PLCZ1: variants seen among roughly 807,000 people sequenced by gnomAD.
The protein encoded by PLCZ1 is phospholipase C zeta 1.
A neutral mutation model predicts 76.8 loss-of-function variants in PLCZ1; 64 were observed. The ratio of observed to expected loss-of-function variants is 0.83; its 90% CI spans 0.68 to 1.03. The LOEUF is 1.03. Ranked by LOEUF, PLCZ1 falls within the 50% of genes least tolerant of loss-of-function variation. PLCZ1 has a pLI of 0.00. For synonymous variants in PLCZ1, 248 were observed against 230.8 expected, an observed-to-expected ratio of 1.07 and a Z score of -0.68; for missense variants, 751 against 713.7, an observed-to-expected ratio of 1.05 and a Z score of -0.60.
At chr12:18,733,483 G>C (rs1959162433) in intron 3 of PLCZ1, among the ~76,000 whole-genome samples, 1 of 152,074 alleles carries the variant, frequency 6.6e-6, no homozygotes, top group South Asian at 2.1e-4. Context: ...TTTTAGACAA[G>C]TTTTTGTTAC....
the PLCZ1 span, among the ~76,000 whole-genome samples, chr12:18,670,625 C>T: frequency 5.9e-5 from 9 of 152,176 alleles, no homozygotes; most frequent in Non-Finnish European, 8.8e-5. Context: ...TAGGATAATG[C>T]TTGGAATATG....
chr12:18,671,593 G>A, the PLCZ1 span, among the ~76,000 whole-genome samples: 1 of 152,076 alleles, frequency 6.6e-6, no homozygotes, highest in Non-Finnish European at 1.5e-5. Context: ...AGGTGTACTA[G>A]GCACATCACA....
At chr12:18,673,394 TATC>T in the PLCZ1 span, among the ~76,000 whole-genome samples, 2 of 151,910 alleles carry the variant, frequency 1.3e-5, no homozygotes, top group African/African-American at 4.8e-5. Flanking sequence ...TATATGAAAA[TATC>T]ATAAACAGAG....
At chr12:18,713,082 TA>T in intron 5 of PLCZ1, 96 bp from the exon 6 acceptor site, 1 of 1,440,486 alleles carries the variant, frequency 6.9e-7, no homozygotes. Flanking sequence ...GATTTTATAA[TA>T]AATGCATAAA....
intron 4 of PLCZ1, among the ~76,000 whole-genome samples, chr12:18,719,956 G>A (rs1428943629): frequency 6.6e-6 from 1 of 152,036 alleles, no homozygotes; most frequent in Non-Finnish European, 1.5e-5. Flanking sequence ...TGGCACACAG[G>A]TTGAGGAACA....
At chr12:18,726,697 A>G (rs1275501828) in intron 3 of PLCZ1, among the ~76,000 whole-genome samples, 4 of 152,210 alleles carry the variant, frequency 2.6e-5, no homozygotes, top group Admixed American at 1.3e-4. Context: ...GTTATTTAAA[A>G]TAATGTGATG....
At chr12:18,673,008 G>T in the PLCZ1 span, among the ~76,000 whole-genome samples, 1 of 152,146 alleles carries the variant, frequency 6.6e-6, no homozygotes. Context: ...TGACACAAAA[G>T]ATGGCATACA....
the PLCZ1 span, among the ~76,000 whole-genome samples, chr12:18,650,353 G>GCA: frequency 1.4e-3 from 153 of 108,878 alleles, no homozygotes; most frequent in Non-Finnish European, 2.4e-3. Flanking sequence ...ATATATGTGT[G>GCA]TGTGTGTGTG....
intron 2 of PLCZ1, chr12:18,736,777 T>A: frequency 1.2e-6 from 1 of 826,098 alleles, no homozygotes; most frequent in Non-Finnish European, 1.8e-6. Flanking sequence ...ATTAGATGAA[T>A]TCCTAATATG....
At chr12:18,650,062 C>G in the PLCZ1 span, among the ~76,000 whole-genome samples, 3 of 151,970 alleles carry the variant, frequency 2.0e-5, no homozygotes, top group African/African-American at 7.3e-5. Context: ...ATAACTCCAG[C>G]CCAGAATACC....
chr12:18,700,031 T>A (rs923952375), intron 9 of PLCZ1, 81 bp from the exon 10 acceptor site: 1 of 1,115,090 alleles, frequency 9.0e-7, no homozygotes, highest in African/African-American at 1.6e-5. Context: ...AAAATACACT[T>A]TCAAACAAAT....
chr12:18,735,580 A>G (rs1296751981), intron 3 of PLCZ1, among the ~76,000 whole-genome samples: 1 of 151,908 alleles, frequency 6.6e-6, no homozygotes, highest in African/African-American at 2.4e-5. Flanking sequence ...TAACCTTTCT[A>G]GTTCTTCTTG....
chr12:18,650,072 C>T, the PLCZ1 span, among the ~76,000 whole-genome samples: 1 of 152,014 alleles, frequency 6.6e-6, no homozygotes, highest in Non-Finnish European at 1.5e-5. Flanking sequence ...CCCAGAATAC[C>T]TCCCAGATTC....
the PLCZ1 span, among the ~76,000 whole-genome samples, chr12:18,648,569 C>T: frequency 6.6e-6 from 1 of 152,152 alleles, no homozygotes; most frequent in South Asian, 2.1e-4. Context: ...GAAATTCTTA[C>T]ATTCAATTGT....
intron 3 of PLCZ1, among the ~76,000 whole-genome samples, chr12:18,731,533 CTTTTTT>C (rs34568267): frequency 3.2e-5 from 3 of 94,352 alleles, no homozygotes; most frequent in Non-Finnish European, 5.8e-5. Flanking sequence ...AATAAGCTGT[CTTTTTT>C]TTTTTTTTTT....
At chr12:18,647,818 A>G in the PLCZ1 span, 3 of 1,057,376 alleles carry the variant, frequency 2.8e-6, no homozygotes, top group South Asian at 2.5e-5. Context: ...CAATACTCAA[A>G]AAAGAGATGT....
At chr12:18,687,402 G>A (rs1213748108) in intron 13 of PLCZ1, among the ~76,000 whole-genome samples, 2 of 152,116 alleles carry the variant, frequency 1.3e-5, no homozygotes, top group Non-Finnish European at 2.9e-5. Flanking sequence ...TCAAGAATCA[G>A]TTCCAATGTC....
At chr12:18,692,720 A>G in intron 12 of PLCZ1, 1 of 822,826 alleles carries the variant, frequency 1.2e-6, no homozygotes, top group Non-Finnish European at 2.0e-6. Flanking sequence ...TGAATCATCA[A>G]CATAAAGAAA....
chr12:18,688,051 G>T (rs1340570768), intron 13 of PLCZ1, 38 bp downstream of exon 13: 2 of 1,603,456 alleles, frequency 1.2e-6, no homozygotes, highest in Admixed American at 3.3e-5. Flanking sequence ...CCAACAAGAA[G>T]TCTAATGGAA....
Sources: gnomAD v4.1 joint callset for allele counts (sites outside exome capture counted in the v4.1 genomes callset) on GRCh38, gnomAD v4.1.1 for gene constraint, MANE v1.5 for transcripts, NCBI Gene and HGNC (gene_info 2026-07-23, HGNC 2026-07-21) for gene names.